NCAM2: variants seen among roughly 807,000 people sequenced by gnomAD.
The protein encoded by NCAM2 is N-CAM-2.
In NCAM2, 30 loss-of-function variants were observed where a neutral mutation model predicts 98.1. The observed-to-expected ratio is 0.31, with a 90% CI of 0.23 to 0.41. The LOEUF (loss-of-function observed/expected upper bound fraction) is 0.41, where lower values mean the gene tolerates loss of function less well. Ranked by LOEUF, NCAM2 falls within the 10% of genes least tolerant of loss-of-function variation. The pLI is 1.00. For missense variants in NCAM2, 867 were observed against 1,005.8 expected, an observed-to-expected ratio of 0.86 and a Z score of 1.87; for synonymous variants, 368 against 342.4, an observed-to-expected ratio of 1.07 and a Z score of -0.83.
At chr21:21,020,699 G>C (rs1343453384) in intron 1 of NCAM2, among the ~76,000 whole-genome samples, 1 of 152,048 alleles carries the variant, frequency 6.6e-6, no homozygotes, top group African/African-American at 2.4e-5. Flanking sequence ...TTCCTGATTC[G>C]AGCTCTAGTG....
intron 1 of NCAM2, among the ~76,000 whole-genome samples, chr21:21,137,971 G>GTA (rs1349654547): frequency 6.6e-6 from 1 of 151,896 alleles, no homozygotes; most frequent in Non-Finnish European, 1.5e-5. Flanking sequence ...GAGAACCTTT[G>GTA]TAACGGTGTT....
chr21:21,265,139 ATAAT>A (rs1568856016), intron 1 of NCAM2, among the ~76,000 whole-genome samples: 1 of 119,564 alleles, frequency 8.4e-6, no homozygotes, highest in Non-Finnish European at 1.6e-5. Context: ...ATATACATAT[ATAAT>A]ATATATACAT....
chr21:21,482,308 T>C (rs551332822), intron 15 of NCAM2, among the ~76,000 whole-genome samples: 17 of 152,182 alleles, frequency 1.1e-4, no homozygotes, highest in Admixed American at 7.2e-4. Flanking sequence ...ATTTGCAAAA[T>C]ATGAAAAAAG....
intron 12 of NCAM2, among the ~76,000 whole-genome samples, chr21:21,447,721 A>C (rs1980400931): frequency 6.6e-6 from 1 of 152,200 alleles, no homozygotes; most frequent in Admixed American, 6.6e-5. Flanking sequence ...AACCCCATCA[A>C]AAAGTGGGCA....
chr21:21,417,758 G>A (rs1484464105), intron 10 of NCAM2, among the ~76,000 whole-genome samples: 1 of 151,926 alleles, frequency 6.6e-6, no homozygotes, highest in Non-Finnish European at 1.5e-5. Context: ...TACCTAGAGT[G>A]AAAAAGAATG....
intron 8 of NCAM2, among the ~76,000 whole-genome samples, chr21:21,348,471 A>C (rs1459687967): frequency 2.0e-5 from 3 of 152,144 alleles, no homozygotes. Context: ...ATGGAAAAAT[A>C]TTGTATGTTC....
intron 11 of NCAM2, among the ~76,000 whole-genome samples, chr21:21,423,082 T>C (rs1359997485): frequency 6.6e-6 from 1 of 152,078 alleles, no homozygotes; most frequent in Admixed American, 6.5e-5. Context: ...TCATCATTGT[T>C]ATATTTTTAA....
chr21:21,389,382 A>AT (rs2076334117), intron 9 of NCAM2, among the ~76,000 whole-genome samples: 2 of 152,218 alleles, frequency 1.3e-5, no homozygotes, highest in African/African-American at 4.8e-5. Context: ...CATGGGAATT[A>AT]TGGTAGCTAC....
intron 1 of NCAM2, among the ~76,000 whole-genome samples, chr21:21,080,774 G>C (rs920674287): frequency 2.0e-5 from 3 of 151,700 alleles, no homozygotes; most frequent in African/African-American, 4.8e-5. Context: ...GTGAGCTCCT[G>C]GAGCTTAAAG....
chr21:21,042,848 A>C (rs1313674242), intron 1 of NCAM2, among the ~76,000 whole-genome samples: 1 of 152,178 alleles, frequency 6.6e-6, no homozygotes, highest in Admixed American at 6.5e-5. Flanking sequence ...TAACAACATA[A>C]TTTATTTATC....
At chr21:21,093,927 T>C (rs1440545734) in intron 1 of NCAM2, among the ~76,000 whole-genome samples, 3 of 152,060 alleles carry the variant, frequency 2.0e-5, no homozygotes, top group Non-Finnish European at 4.4e-5. Flanking sequence ...AAAGTGTAAT[T>C]TTCTCAAGGA....
intron 8 of NCAM2, among the ~76,000 whole-genome samples, chr21:21,338,756 A>G (rs1304445991): frequency 6.6e-6 from 1 of 152,116 alleles, no homozygotes; most frequent in African/African-American, 2.4e-5. Flanking sequence ...TTAAGTCACA[A>G]ACGTTTAGGC....
At chr21:21,011,312 G>C (rs538099172) in intron 1 of NCAM2, among the ~76,000 whole-genome samples, 2 of 152,150 alleles carry the variant, frequency 1.3e-5, no homozygotes, top group East Asian at 3.9e-4. Context: ...AGGAATATCT[G>C]ATTCTAAAAT....
chr21:21,174,384 C>T (rs768810292), intron 1 of NCAM2, among the ~76,000 whole-genome samples: 3 of 152,066 alleles, frequency 2.0e-5, no homozygotes, highest in Admixed American at 6.5e-5. Flanking sequence ...GTGTCTTTCA[C>T]GCAATATTTG....
chr21:21,519,856 T>C (rs558373393), intron 16 of NCAM2, among the ~76,000 whole-genome samples: 1 of 152,222 alleles, frequency 6.6e-6, no homozygotes, highest in South Asian at 2.1e-4. Flanking sequence ...TGAGACTAGC[T>C]CTTTCATGTT....
At chr21:21,266,942 C>T (rs1412957777) in intron 1 of NCAM2, among the ~76,000 whole-genome samples, 1 of 152,114 alleles carries the variant, frequency 6.6e-6, no homozygotes, top group Non-Finnish European at 1.5e-5. Context: ...GTTTGTTGCA[C>T]AGGTAAACTT....
At chr21:21,037,171 G>A (rs941305000) in intron 1 of NCAM2, among the ~76,000 whole-genome samples, 3 of 152,248 alleles carry the variant, frequency 2.0e-5, no homozygotes, top group Admixed American at 2.0e-4. Flanking sequence ...TGGAACTACA[G>A]GCCTGCGCCA....
At chr21:21,378,959 G>A (rs1568997918) in intron 9 of NCAM2, among the ~76,000 whole-genome samples, 2 of 151,918 alleles carry the variant, frequency 1.3e-5, no homozygotes, top group Non-Finnish European at 2.9e-5. Context: ...ATGTTATACG[G>A]TTCGTGTTTT....
intron 12 of NCAM2, among the ~76,000 whole-genome samples, chr21:21,455,559 T>A (rs2146162972): frequency 6.6e-6 from 1 of 152,062 alleles, no homozygotes; most frequent in Non-Finnish European, 1.5e-5. Flanking sequence ...CCAGAAAACA[T>A]GTTTTAAAAT....
Sources: allele counts gnomAD v4.1 joint callset (sites outside exome capture counted in the v4.1 genomes callset), GRCh38; gene constraint gnomAD v4.1.1; transcripts MANE v1.5; gene names NCBI Gene and HGNC (gene_info 2026-07-23, HGNC 2026-07-21).